The following SLIT2 variants were observed in gnomAD, a reference collection of about 807,000 sequenced individuals.
SLIT2 encodes slit guidance ligand 2, also known as slit homolog 2 protein.
SLIT2 carries 41 observed loss-of-function variants against 185.7 expected under a neutral mutation model. That is an observed-to-expected ratio of 0.22 (90% CI 0.17 to 0.29). The LOEUF is 0.29. SLIT2 is among the 10% of genes least tolerant of loss of function. SLIT2 has a pLI of 1.00. For missense variants in SLIT2, 1,571 were observed against 1,909.0 expected (o/e 0.82, Z 3.30); for synonymous variants, 693 against 680.2 (o/e 1.02, Z -0.29).
chr4:20,305,854 C>T (rs930921646), intron 4 of SLIT2, among the ~76,000 whole-genome samples: 24 of 147,820 alleles, frequency 1.6e-4, no homozygotes, highest in African/African-American at 2.5e-4. Flanking sequence ...GCCTGGGTGA[C>T]AGAGTGAGAC....
chr4:20,490,940 T>C, intron 8 of SLIT2: 1 of 694,874 alleles, frequency 1.4e-6, no homozygotes, highest in Non-Finnish European at 2.5e-6. Flanking sequence ...GGCCCTTTCC[T>C]GGCAGGTTGG....
intron 4 of SLIT2, among the ~76,000 whole-genome samples, chr4:20,390,133 C>G (rs1461819459): frequency 1.3e-5 from 2 of 152,028 alleles, no homozygotes; most frequent in African/African-American, 4.8e-5. Context: ...TATTTCTCTG[C>G]TAGAGACTTG....
intron 19 of SLIT2, 59 bp from the exon 20 acceptor site, chr4:20,541,394 G>T (rs899133386): frequency 1.1e-4 from 159 of 1,483,582 alleles, no homozygotes; most frequent in Non-Finnish European, 1.4e-4. Flanking sequence ...CTGGGGTTTA[G>T]AGAAGGAAGA....
At chr4:20,472,426 A>G (rs1460985401) in intron 5 of SLIT2, among the ~76,000 whole-genome samples, 1 of 77,804 alleles carries the variant, frequency 1.3e-5, no homozygotes, top group Non-Finnish European at 2.3e-5. Flanking sequence ...CTATATATAT[A>G]GATATCTATA....
At chr4:20,470,759 A>G (rs2148750002) in intron 5 of SLIT2, among the ~76,000 whole-genome samples, 1 of 152,200 alleles carries the variant, frequency 6.6e-6, no homozygotes, top group South Asian at 2.1e-4. Context: ...TATTTTTAGT[A>G]GAGATGGGGT....
At chr4:20,584,480 A>G (rs1726879747) in intron 29 of SLIT2, among the ~76,000 whole-genome samples, 1 of 152,252 alleles carries the variant, frequency 6.6e-6, no homozygotes, top group Admixed American at 6.5e-5. Context: ...ACTATTGACA[A>G]TTACGTTGGG....
At chr4:20,490,407 A>G (rs943879410) in intron 8 of SLIT2, among the ~76,000 whole-genome samples, 1 of 151,916 alleles carries the variant, frequency 6.6e-6, no homozygotes, top group African/African-American at 2.4e-5. Flanking sequence ...ACACCCCCAT[A>G]CATAGTATCT....
At chr4:20,437,395 A>G (rs1577657317) in intron 4 of SLIT2, among the ~76,000 whole-genome samples, 1 of 152,272 alleles carries the variant, frequency 6.6e-6, no homozygotes, top group East Asian at 1.9e-4. Flanking sequence ...CCTGAGGATC[A>G]CTTGAGCCCA....
intron 32 of SLIT2, among the ~76,000 whole-genome samples, chr4:20,597,413 A>T (rs1351884012): frequency 1.3e-5 from 2 of 152,158 alleles, no homozygotes; most frequent in African/African-American, 2.4e-5. Flanking sequence ...AAGAATTGAC[A>T]TGAAATTAAC....
intron 14 of SLIT2, among the ~76,000 whole-genome samples, chr4:20,524,862 A>G (rs536406392): frequency 4.3e-4 from 66 of 152,284 alleles, no homozygotes; most frequent in Non-Finnish European, 8.8e-4. Flanking sequence ...ATGATAGAAT[A>G]TTTTATGTCT....
In SLIT2 at chr4:20,253,975, C is replaced by A; in HGVS notation, c.160C>A (p.Pro54Thr). Residue 54 changes from proline to threonine, a missense_variant, in exon 1 of 37, where the codon CCC becomes ACC. Coordinates refer to ENST00000504154, the MANE Select transcript of SLIT2 (RefSeq NM_004787.4). Reference sequence around the variant, plus strand: ...GCTGCGCAGCGTGCCCAGGAATATCCCCCGCAACACCGAGAGACTGTGAGT... The same window carrying A: ...GCTGCGCAGCGTGCCCAGGAATATCACCCGCAACACCGAGAGACTGTGAGT... ...LALRSVPRNI[P>T]RNTERLDLNG... 6.2e-7 allele frequency: 1 copy of A among 1,602,980 alleles called. No homozygotes were observed. Among genetic ancestry groups the A allele is most frequent in the South Asian group, 1.1e-5 (1 of 91,018 alleles).
intron 4 of SLIT2, among the ~76,000 whole-genome samples, chr4:20,458,931 A>G (rs1433969832): frequency 6.6e-6 from 1 of 152,220 alleles, no homozygotes; most frequent in Non-Finnish European, 1.5e-5. Flanking sequence ...ACCTTATTTT[A>G]TCAGTTGTAA....
chr4:20,619,069 TA>T lies in SLIT2; in HGVS notation c.*62del. On this transcript the variant is annotated 3_prime_UTR_variant, in exon 37 of 37. Transcript: ENST00000504154. The stretch of plus-strand genomic sequence containing the variant: ...TGTATACTTCTTGACCGTGTGGGAC[TA>T]ATGAATGCTTCATAGTGGAAATATT... 1 of 1,493,596 alleles carries T rather than the reference TA, an allele frequency of 6.7e-7. No homozygotes were observed. The highest frequency in any genetic ancestry group is 9.2e-7 in the Non-Finnish European group (1 of 1,086,772). The allele number at this position is 1,493,596 out of a possible 1,614,324, so 92.5% of individuals were successfully genotyped here. A position where few individuals can be genotyped will look rare whatever the true frequency, so the allele number is the denominator to read the frequency against.
chr4:20,497,908 T>A (rs1270083033), intron 9 of SLIT2, among the ~76,000 whole-genome samples: 2 of 152,064 alleles, frequency 1.3e-5, no homozygotes. Context: ...GCGTGCTGGA[T>A]CACGCCTGTA....
At chr4:20,322,560 T>G (rs1385165756) in intron 4 of SLIT2, among the ~76,000 whole-genome samples, 3 of 152,184 alleles carry the variant, frequency 2.0e-5, no homozygotes, top group South Asian at 2.1e-4. Context: ...TTTTGCTTCT[T>G]TAGTCCAGCC....
At chr4:20,482,154 T>G (rs1716764119) in intron 6 of SLIT2, among the ~76,000 whole-genome samples, 2 of 151,976 alleles carry the variant, frequency 1.3e-5, no homozygotes, top group Admixed American at 1.3e-4. Flanking sequence ...TCACTAAAAT[T>G]CATAGATGAG....
chr4:20,529,728 T>A (rs968014138), intron 16 of SLIT2, among the ~76,000 whole-genome samples: 1 of 152,234 alleles, frequency 6.6e-6, no homozygotes, highest in Non-Finnish European at 1.5e-5. Flanking sequence ...TCTATGCCCA[T>A]GCATGGTTTG....
At chr4:20,512,747 A>AT (rs2148828840) in intron 11 of SLIT2, among the ~76,000 whole-genome samples, 1 of 152,286 alleles carries the variant, frequency 6.6e-6, no homozygotes, top group East Asian at 1.9e-4. Context: ...ATTCTCCACA[A>AT]TTTTGGTCCT....
intron 4 of SLIT2, among the ~76,000 whole-genome samples, chr4:20,439,953 G>A (rs1729626230): frequency 6.6e-6 from 1 of 152,136 alleles, no homozygotes; most frequent in African/African-American, 2.4e-5. Flanking sequence ...CAGATCACTT[G>A]CCATTTTTAA....
Sources: gnomAD v4.1 joint callset for allele counts (sites outside exome capture counted in the v4.1 genomes callset) on GRCh38, gnomAD v4.1.1 for gene constraint, MANE v1.5 for transcripts, NCBI Gene and HGNC (gene_info 2026-07-23, HGNC 2026-07-21) for gene names.